The following DOCK7 variants were observed in gnomAD, a reference collection of about 807,000 sequenced individuals.
The protein encoded by DOCK7 is dedicator of cytokinesis 7, also known as dedicator of cytokinesis protein 7.
A neutral mutation model predicts 271.0 loss-of-function variants in DOCK7; 138 were observed. The observed-to-expected ratio is 0.51, with a 90% confidence interval of 0.44 to 0.59. The LOEUF (loss-of-function observed/expected upper bound fraction) is 0.59. Ranked by LOEUF, DOCK7 falls within the 20% of genes least tolerant of loss-of-function variation. DOCK7 has a pLI of 0.00. For synonymous variants in DOCK7, 823 were observed against 876.1 expected, an observed-to-expected ratio of 0.94 and a Z score of 1.07; for missense variants, 2,066 against 2,592.4, an observed-to-expected ratio of 0.80 and a Z score of 4.41.
intron 7 of DOCK7, chr1:62,641,228 T>A (rs1655982583): frequency 2.5e-6 from 1 of 395,730 alleles, no homozygotes; most frequent in Non-Finnish European, 4.9e-6. Context: ...CTTCCAGTAG[T>A]GGATCTTAGC....
intron 14 of DOCK7, among the ~76,000 whole-genome samples, chr1:62,592,544 G>GTT (rs1557768307): frequency 6.6e-6 from 1 of 151,970 alleles, no homozygotes; most frequent in Non-Finnish European, 1.5e-5. Flanking sequence ...TCTATTGTTT[G>GTT]TTATATATAT....
At chr1:62,506,694 T>TC (rs1646946813) in intron 35 of DOCK7, among the ~76,000 whole-genome samples, 1 of 151,152 alleles carries the variant, frequency 6.6e-6, no homozygotes, top group Non-Finnish European at 1.5e-5. Context: ...ACGCCTGTAA[T>TC]CCCCACACTT....
At chr1:62,663,988 A>C (rs1658977184) in intron 1 of DOCK7, among the ~76,000 whole-genome samples, 1 of 152,226 alleles carries the variant, frequency 6.6e-6, no homozygotes, top group African/African-American at 2.4e-5. Flanking sequence ...ACATCTATAC[A>C]ATGAAGTATT....
intron 34 of DOCK7, 34 bp from the exon 35 acceptor site, chr1:62,508,092 C>G (rs1646995162): frequency 1.3e-6 from 2 of 1,543,394 alleles, no homozygotes; most frequent in Admixed American, 2.2e-5. Context: ...TTATATTTAT[C>G]TTTTTGAAAA....
At chr1:62,585,120 AAAAT>A (rs1647343623) in intron 15 of DOCK7, among the ~76,000 whole-genome samples, 1 of 152,156 alleles carries the variant, frequency 6.6e-6, no homozygotes, top group African/African-American at 2.4e-5. Context: ...CCAAATCTCA[AAAAT>A]AAATTCTACA....
At chr1:62,570,848 G>C (rs1646748849) in intron 18 of DOCK7, among the ~76,000 whole-genome samples, 2 of 152,256 alleles carry the variant, frequency 1.3e-5, no homozygotes, top group South Asian at 4.1e-4. Context: ...GAACTGGCTA[G>C]CCATATGCAG....
intron 48 of DOCK7, among the ~76,000 whole-genome samples, chr1:62,473,569 TTC>T (rs1358844694): frequency 6.6e-6 from 1 of 152,056 alleles, no homozygotes; most frequent in Non-Finnish European, 1.5e-5. Context: ...TCAACCGCTT[TTC>T]TGTTTTTTTG....
chr1:62,475,823 A>G lies in DOCK7; in HGVS notation c.5845T>C (p.Leu1949=). Residue 1949 remains leucine (L), a synonymous_variant, in exon 46 of 50, where the codon TTA becomes CTA. Coordinates refer to ENST00000635253, the MANE Select transcript of DOCK7 (RefSeq NM_001367561.1). Reference sequence around the variant, plus strand: ...AGTTCCCCATGGGCACGGCCATCTAAAGTAAAGGGTGTACAGTACATGAAT... The same window carrying G: ...AGTTCCCCATGGGCACGGCCATCTAGAGTAAAGGGTGTACAGTACATGAAT... ...RRFMYCTPFT[L]DGRAHGELHE... 2 of 1,614,072 alleles carry G rather than the reference A, an allele frequency of 1.2e-6. No homozygotes were observed. The highest frequency in any genetic ancestry group is 1.7e-6 in the Non-Finnish European group (2 of 1,179,954).
intron 7 of DOCK7, chr1:62,641,678 G>A (rs551644808): frequency 1.0e-4 from 43 of 424,626 alleles, no homozygotes; most frequent in South Asian, 5.8e-4. Flanking sequence ...TGGGCAACCC[G>A]GAGATGGCCT....
At chr1:62,501,811 T>A (rs1159910750) in intron 37 of DOCK7, among the ~76,000 whole-genome samples, 2 of 152,090 alleles carry the variant, frequency 1.3e-5, no homozygotes, top group Admixed American at 1.3e-4. Flanking sequence ...AATGACTAGA[T>A]AAAAATTTTA....
chr1:62,477,016 T>C (rs567184093), intron 44 of DOCK7: 1 of 152,214 alleles, frequency 6.6e-6, no homozygotes, highest in Non-Finnish European at 1.5e-5. Flanking sequence ...CCTGGGGATC[T>C]TGTTAAAATG....
intron 33 of DOCK7, 47 bp from the exon 34 acceptor site, chr1:62,510,720 GA>G (rs775184837): frequency 7.0e-7 from 1 of 1,431,868 alleles, no homozygotes; most frequent in South Asian, 1.2e-5. Context: ...ATTTCAGTTG[GA>G]CCACATATAT....
chr1:62,577,191 G>T, intron 18 of DOCK7, 71 bp downstream of exon 18: 3 of 929,098 alleles, frequency 3.2e-6, no homozygotes, highest in Non-Finnish European at 4.6e-6. Flanking sequence ...GAGTTTGCTT[G>T]GTAAAAACAT....
chr1:62,558,910 C>A (rs1401959953), intron 20 of DOCK7, 79 bp downstream of exon 20: 2 of 1,156,012 alleles, frequency 1.7e-6, no homozygotes, highest in Non-Finnish European at 1.2e-6. Flanking sequence ...AAATAGAAAT[C>A]ATGTTTTTTT....
At chr1:62,562,780 T>C (rs1411103566) in intron 18 of DOCK7, among the ~76,000 whole-genome samples, 1 of 151,964 alleles carries the variant, frequency 6.6e-6, no homozygotes. Context: ...CTAGAGAGGA[T>C]GGCAACCCAG....
intron 16 of DOCK7, among the ~76,000 whole-genome samples, chr1:62,581,111 A>G (rs552802217): frequency 6.6e-6 from 1 of 152,310 alleles, no homozygotes; most frequent in East Asian, 1.9e-4. Context: ...TACAGCATAT[A>G]GGGTTATGTG....
At chr1:62,568,026 T>C (rs989309582) in intron 18 of DOCK7, among the ~76,000 whole-genome samples, 2 of 151,930 alleles carry the variant, frequency 1.3e-5, no homozygotes, top group Admixed American at 6.6e-5. Flanking sequence ...CCTCAGCAAA[T>C]GCAAAATAAC....
At chr1:62,600,977 A>AT in intron 14 of DOCK7, 1 of 732,904 alleles carries the variant, frequency 1.4e-6, no homozygotes, top group East Asian at 2.7e-5. Flanking sequence ...CCGTTATAAC[A>AT]TTATGAACTG....
chr1:62,655,171 A>C (rs913851518), intron 2 of DOCK7, among the ~76,000 whole-genome samples: 2 of 152,228 alleles, frequency 1.3e-5, no homozygotes, highest in Non-Finnish European at 2.9e-5. Flanking sequence ...TCTTCAGCCA[A>C]GTTTTTAACC....
Sources: gnomAD v4.1 joint callset for allele counts (sites outside exome capture counted in the v4.1 genomes callset) on GRCh38, gnomAD v4.1.1 for gene constraint, MANE v1.5 for transcripts, NCBI Gene and HGNC (gene_info 2026-07-23, HGNC 2026-07-21) for gene names.